The following BCAS4 variants were observed in gnomAD, a reference collection of about 807,000 sequenced individuals.
The protein encoded by BCAS4 is breast carcinoma amplified sequence 4, also known as breast carcinoma-amplified sequence 4.
Under a neutral mutation model 15.7 loss-of-function variants are expected in BCAS4, and 9 were observed. The observed-to-expected ratio is 0.57, with a 90% CI of 0.34 to 1.00. The LOEUF (loss-of-function observed/expected upper bound fraction) is 1.00. BCAS4 is among the 50% of genes least tolerant of loss of function. BCAS4 has a pLI of 0.02. For missense variants in BCAS4, 225 were observed against 239.1 expected, an observed-to-expected ratio of 0.94 and a Z score of 0.39; for synonymous variants, 101 against 99.5, an observed-to-expected ratio of 1.02 and a Z score of -0.09.
At chr20:50,811,654 G>A (rs1008334597) in intron 1 of BCAS4, among the ~76,000 whole-genome samples, 16 of 152,032 alleles carry the variant, frequency 1.1e-4, no homozygotes, top group African/African-American at 7.3e-5. Context: ...ATGGAGTCTC[G>A]TTCTCTCGCC....
downstream of BCAS4, chr20:50,882,130 C>A (rs1348618345): frequency 6.6e-6 from 1 of 151,618 alleles, no homozygotes; most frequent in Non-Finnish European, 1.5e-5. Flanking sequence ...CTGCAGTAAG[C>A]CGTGATCATG....
upstream of BCAS4, chr20:50,794,950 C>T: frequency 8.4e-7 from 1 of 1,189,074 alleles, no homozygotes; most frequent in Non-Finnish European, 1.0e-6. Flanking sequence ...GCCGCGACCG[C>T]CGGGAGCGCA....
chr20:50,827,126 C>T (rs2088286771), intron 2 of BCAS4, among the ~76,000 whole-genome samples: 1 of 152,228 alleles, frequency 6.6e-6, no homozygotes, highest in Non-Finnish European at 1.5e-5. Flanking sequence ...TCTTTCTGTT[C>T]CAGGATCCAG....
At chr20:50,824,439 G>A (rs2088252914) in intron 2 of BCAS4, among the ~76,000 whole-genome samples, 1 of 152,216 alleles carries the variant, frequency 6.6e-6, no homozygotes, top group African/African-American at 2.4e-5. Flanking sequence ...TGGAGAGGTG[G>A]GAGGATAGTT....
intron 3 of BCAS4, among the ~76,000 whole-genome samples, chr20:50,831,674 A>T (rs1021388594): frequency 1.3e-5 from 2 of 152,128 alleles, no homozygotes; most frequent in African/African-American, 4.8e-5. Flanking sequence ...CACTAGTTAC[A>T]TCAAGACAGG....
At chr20:50,802,365 C>T (rs1452458822) in intron 1 of BCAS4, among the ~76,000 whole-genome samples, 1 of 152,152 alleles carries the variant, frequency 6.6e-6, no homozygotes, top group Non-Finnish European at 1.5e-5. Context: ...CATGAGGAGC[C>T]AGGGGCAAGG....
chr20:50,875,921 C>T (rs116618665), intron 4 of BCAS4: 5,596 of 456,062 alleles, frequency 0.012, 218 homozygotes, highest in African/African-American at 0.089. Flanking sequence ...TCTTAGTCCT[C>T]CTCTGCCAGA....
chr20:50,830,472 A>G, intron 3 of BCAS4, 92 bp downstream of exon 3: 1 of 1,026,556 alleles, frequency 9.7e-7, no homozygotes, highest in South Asian at 1.5e-5. Flanking sequence ...TGAGCATGTC[A>G]GGCATTATGC....
chr20:50,875,602 T>TAAAAA (rs3971637), intron 4 of BCAS4, among the ~76,000 whole-genome samples: 1 of 100,552 alleles, frequency 9.9e-6, no homozygotes. Context: ...TCATCTCTAC[T>TAAAAA]AAAAAAAAAA....
rs114191106 is a variant in BCAS4, at chr20:50,814,388, T to G, written c.91-3823T>G. Reference sequence around the variant, plus strand: ...GTAGCCTCAACCTCCTGGGCCCAAGTGACCCTCCCAACCTCAGCCTCTCAA... The same window carrying G: ...GTAGCCTCAACCTCCTGGGCCCAAGGGACCCTCCCAACCTCAGCCTCTCAA... On this transcript the variant is annotated intron_variant, in intron 1 of 4. Coordinates refer to ENST00000371608, the MANE Select transcript of BCAS4 (RefSeq NM_198799.4). Among the ~76,000 whole-genome samples the G allele has an allele frequency of 3.4e-3, 515 of 152,346 alleles. 6 individuals are homozygous for G. Among genetic ancestry groups the G allele is most frequent in the African/African-American group, 0.012 (497 of 41,582 alleles).
At chr20:50,866,737 G>C (rs150685774) in intron 4 of BCAS4, among the ~76,000 whole-genome samples, 78 of 152,276 alleles carry the variant, frequency 5.1e-4, no homozygotes, top group African/African-American at 1.8e-3. Context: ...GGGGGTGCCT[G>C]TGTGCTGGGA....
At chr20:50,804,892 G>T (rs1374568655) in intron 1 of BCAS4, among the ~76,000 whole-genome samples, 3 of 152,060 alleles carry the variant, frequency 2.0e-5, no homozygotes, top group African/African-American at 4.8e-5. Context: ...ACTCCTTCCT[G>T]GTTTGCAGTT....
chr20:50,859,227 C>T (rs756664197), intron 4 of BCAS4, among the ~76,000 whole-genome samples: 3 of 152,280 alleles, frequency 2.0e-5, no homozygotes, highest in South Asian at 4.1e-4. Flanking sequence ...CAGGCTTGAG[C>T]GACCACGCCT....
intron 1 of BCAS4, among the ~76,000 whole-genome samples, chr20:50,805,315 G>A (rs1453438524): frequency 6.6e-6 from 1 of 152,132 alleles, no homozygotes; most frequent in Non-Finnish European, 1.5e-5. Flanking sequence ...TTTCATGTGT[G>A]TTTGTGTTTT....
chr20:50,855,758 G>A (rs1198751424), intron 4 of BCAS4, among the ~76,000 whole-genome samples: 1 of 152,190 alleles, frequency 6.6e-6, no homozygotes, highest in Non-Finnish European at 1.5e-5. Flanking sequence ...GCTTTTGACT[G>A]TGTCACTAGA....
At chr20:50,807,820 G>T (rs1175928587) in intron 1 of BCAS4, among the ~76,000 whole-genome samples, 2 of 151,904 alleles carry the variant, frequency 1.3e-5, no homozygotes, top group Non-Finnish European at 2.9e-5. Flanking sequence ...TTCCATCCAG[G>T]CTGCTGCAAA....
At chr20:50,858,454 T>C (rs1169620200) in intron 4 of BCAS4, among the ~76,000 whole-genome samples, 1 of 151,994 alleles carries the variant, frequency 6.6e-6, no homozygotes, top group Non-Finnish European at 1.5e-5. Context: ...ATAGAAAAAT[T>C]AGCCGGGCAT....
intron 4 of BCAS4, 52 bp downstream of exon 4, chr20:50,841,952 G>T: frequency 6.6e-7 from 1 of 1,506,846 alleles, no homozygotes; most frequent in Non-Finnish European, 8.9e-7. Flanking sequence ...CCTTCGCTCC[G>T]CAGACCCCAG....
At chr20:50,860,305 T>G (rs1333449638) in intron 4 of BCAS4, among the ~76,000 whole-genome samples, 8 of 152,198 alleles carry the variant, frequency 5.3e-5, no homozygotes, top group African/African-American at 1.9e-4. Context: ...GCATAAGTCC[T>G]GTAGGTTTGT....
Sources: gnomAD v4.1 joint callset for allele counts (sites outside exome capture counted in the v4.1 genomes callset) on GRCh38, gnomAD v4.1.1 for gene constraint, MANE v1.5 for transcripts, NCBI Gene and HGNC (gene_info 2026-07-23, HGNC 2026-07-21) for gene names.